Variants in TBC1D12 observed in about 807,000 individuals in gnomAD.
TBC1D12 encodes the protein TBC1 domain family, member 12.
TBC1D12 carries 56 observed loss-of-function variants against 86.7 expected under a neutral mutation model. That is an observed-to-expected ratio of 0.65 (90% CI 0.52 to 0.81). TBC1D12 has a LOEUF of 0.81. TBC1D12 is among the 30% of genes least tolerant of loss of function. The pLI is 0.00. For missense variants in TBC1D12, 1,023 were observed against 1,038.8 expected (o/e 0.98, Z 0.21); for synonymous variants, 421 against 411.7 (o/e 1.02, Z -0.27).
chr10:94,521,489 A>G lies in TBC1D12; in HGVS notation c.1762-466A>G, dbSNP rs1842153718. Among the ~76,000 whole-genome samples the G allele has an allele frequency of 2.0e-5, 3 of 152,248 alleles. No individual in the cohort carries two copies. In the South Asian group the frequency reaches 6.2e-4, roughly 32 times the overall value. On this transcript the variant is annotated intron_variant, in intron 9 of 12. Coordinates refer to ENST00000225235, the MANE Select transcript of TBC1D12 (RefSeq NM_015188.2). ...CTTGCTTTTCCAGGACTCCAGGCTC[A>G]ACCCCCACAACGTCTCCTTTCTTGG...
chr10:94,474,908 C>T (rs2055965947), intron 3 of TBC1D12, 125 bp downstream of exon 3: 2 of 872,178 alleles, frequency 2.3e-6, no homozygotes, highest in East Asian at 2.7e-5. Context: ...AAAATTTAAT[C>T]CCTGTTGTCT....
At chr10:94,409,907 C>T (rs899144744) in intron 1 of TBC1D12, among the ~76,000 whole-genome samples, 1 of 152,108 alleles carries the variant, frequency 6.6e-6, no homozygotes, top group Non-Finnish European at 1.5e-5. Flanking sequence ...TTAACATCAC[C>T]TTATATTTAT....
intron 9 of TBC1D12, among the ~76,000 whole-genome samples, chr10:94,515,686 G>A (rs2056583657): frequency 6.6e-6 from 1 of 152,200 alleles, no homozygotes; most frequent in Admixed American, 6.5e-5. Context: ...ACTGCAGATA[G>A]TGCAGAATCC....
intron 2 of TBC1D12, among the ~76,000 whole-genome samples, chr10:94,462,461 A>T (rs574364379): frequency 6.6e-6 from 1 of 152,280 alleles, no homozygotes; most frequent in East Asian, 1.9e-4. Flanking sequence ...TGTCTTAGAC[A>T]TTGTCAGATG....
At chr10:94,450,863 C>T (rs1438357466) in intron 2 of TBC1D12, among the ~76,000 whole-genome samples, 2 of 152,022 alleles carry the variant, frequency 1.3e-5, no homozygotes, top group Non-Finnish European at 2.9e-5. Context: ...TCATTTGTGG[C>T]AACATGAGTG....
chr10:94,412,637 C>G (rs1189356315), intron 1 of TBC1D12, among the ~76,000 whole-genome samples: 2 of 152,190 alleles, frequency 1.3e-5, no homozygotes, highest in Non-Finnish European at 2.9e-5. Context: ...TTTAACTTGG[C>G]TTACTCATGC....
At chr10:94,447,835 C>T (rs1464932128) in intron 2 of TBC1D12, among the ~76,000 whole-genome samples, 1 of 148,784 alleles carries the variant, frequency 6.7e-6, no homozygotes, top group African/African-American at 2.5e-5. Context: ...AGAATGATTT[C>T]AAATGAACCA....
At chr10:94,452,448 C>A (rs1344692167) in intron 2 of TBC1D12, among the ~76,000 whole-genome samples, 3 of 152,136 alleles carry the variant, frequency 2.0e-5, no homozygotes, top group African/African-American at 7.2e-5. Flanking sequence ...TCATTCTTCC[C>A]TCCTCCAATC....
At position 94,535,871 on chromosome 10, in the gene TBC1D12, G is replaced by A. The variant is rs1227865357; in HGVS notation, c.*2775G>A. On this transcript the variant is annotated 3_prime_UTR_variant, in exon 13 of 13. Transcript: ENST00000225235. ...TGTGTATATAAAATGTAAATACAAAGAATTCACTAAAAACCACTCATAACA... is the reference window on the plus strand; with the variant it reads ...TGTGTATATAAAATGTAAATACAAAAAATTCACTAAAAACCACTCATAACA... The A allele has an allele frequency of 6.6e-6, 1 of 152,016 alleles. No individual in the cohort carries two copies. The highest frequency in any genetic ancestry group is 1.5e-5 in the Non-Finnish European group (1 of 67,966). The allele number at this position is 152,016 out of a possible 1,614,324, so 9.4% of individuals were successfully genotyped here. A position where few individuals can be genotyped will look rare whatever the true frequency, so the allele number is the denominator to read the frequency against.
At chr10:94,406,747 C>T (rs971500653) in intron 1 of TBC1D12, among the ~76,000 whole-genome samples, 3 of 152,226 alleles carry the variant, frequency 2.0e-5, no homozygotes, top group Non-Finnish European at 4.4e-5. Flanking sequence ...CAGGTGAGGG[C>T]TCTCTTTGGA....
intron 9 of TBC1D12, among the ~76,000 whole-genome samples, chr10:94,521,562 T>C (rs1009535300): frequency 6.6e-6 from 1 of 152,218 alleles, no homozygotes; most frequent in African/African-American, 2.4e-5. Context: ...GAGTCCTTCA[T>C]TTTTTACTCA....
chr10:94,404,605 C>T (rs2054825249), intron 1 of TBC1D12, among the ~76,000 whole-genome samples: 1 of 149,718 alleles, frequency 6.7e-6, no homozygotes, highest in East Asian at 2.0e-4. Context: ...TAGATCGTGC[C>T]ATTGCACTCC....
chr10:94,529,518 T>G (rs1449390206), intron 11 of TBC1D12, among the ~76,000 whole-genome samples: 2 of 152,124 alleles, frequency 1.3e-5, no homozygotes. Flanking sequence ...CTCGGGAGGC[T>G]GAGGCAGGAG....
chr10:94,463,398 C>A (rs563861411), intron 2 of TBC1D12, among the ~76,000 whole-genome samples: 1 of 152,146 alleles, frequency 6.6e-6, no homozygotes, highest in Non-Finnish European at 1.5e-5. Context: ...CAATGCAGGG[C>A]GTCATGTGGC....
Position 94,526,262 on chromosome 10 carries a change from C to T in TBC1D12, c.2000+3809C>T, listed in dbSNP as rs550097783. ...CCTAGGCAAGATGGCGAAACCCCAT[C>T]TCTACAAAAAATACAAAAATTAGCT... On this transcript the variant is annotated intron_variant, in intron 11 of 12. Coordinates refer to ENST00000225235, the MANE Select transcript of TBC1D12 (RefSeq NM_015188.2). 1.5e-3 allele frequency among the ~76,000 whole-genome samples: 222 copies of T among 152,054 alleles called. 6 individuals carry two copies. In the South Asian group the frequency reaches 0.045, roughly 31 times the overall value.
intron 3 of TBC1D12, among the ~76,000 whole-genome samples, chr10:94,487,694 C>CTTT (rs35682157): frequency 2.7e-4 from 35 of 127,332 alleles, no homozygotes; most frequent in East Asian, 4.6e-4. Flanking sequence ...TGTTGTTTCT[C>CTTT]TTTTTTTTTT....
At chr10:94,463,171 T>C (rs965110162) in intron 2 of TBC1D12, among the ~76,000 whole-genome samples, 2 of 152,240 alleles carry the variant, frequency 1.3e-5, no homozygotes, top group Non-Finnish European at 1.5e-5. Context: ...TTTTAAAATA[T>C]CTTGGGATTT....
chr10:94,433,317 C>T (rs531426074), intron 1 of TBC1D12, among the ~76,000 whole-genome samples: 1 of 152,240 alleles, frequency 6.6e-6, no homozygotes, highest in African/African-American at 2.4e-5. Context: ...CAGGATTTCG[C>T]CATGTTGGCC....
chr10:94,465,183 T>C (rs574452143), intron 2 of TBC1D12, among the ~76,000 whole-genome samples: 1 of 152,326 alleles, frequency 6.6e-6, no homozygotes, highest in South Asian at 2.1e-4. Flanking sequence ...CATGGATATG[T>C]GTATTTATGC....
Sources: allele counts gnomAD v4.1 joint callset (sites outside exome capture counted in the v4.1 genomes callset), GRCh38; gene constraint gnomAD v4.1.1; transcripts MANE v1.5; gene names NCBI Gene and HGNC (gene_info 2026-07-23, HGNC 2026-07-21).